The following CXADR variants were observed in gnomAD, a reference collection of about 807,000 sequenced individuals.
CXADR encodes coxsackievirus and adenovirus receptor.
A neutral mutation model predicts 40.3 loss-of-function variants in CXADR; 20 were observed. That is an observed-to-expected ratio of 0.50 (90% CI 0.35 to 0.72). CXADR has a LOEUF of 0.72. Among genes scored for constraint, CXADR ranks in the 30% least tolerant of loss-of-function variants. CXADR has a pLI of 0.01. For synonymous variants in CXADR, 150 were observed against 161.3 expected, an observed-to-expected ratio of 0.93 and a Z score of 0.53; for missense variants, 332 against 449.1, an observed-to-expected ratio of 0.74 and a Z score of 2.36.
Position 17,566,104 on chromosome 21 carries a change from T to C in CXADR, c.*412T>C, listed in dbSNP as rs1601033272. The C allele has an allele frequency of 1.0e-6, 1 of 984,254 alleles. No homozygotes were observed. The highest frequency in any genetic ancestry group is 1.1e-4 in the East Asian group (1 of 8,870). The allele number at this position is 984,254 out of a possible 1,614,324, so 61.0% of individuals were successfully genotyped here. A position where few individuals can be genotyped will look rare whatever the true frequency, so the allele number is the denominator to read the frequency against. ...CATTATTTTTAGGATGTGTATTTCATTTATTTATGGCCCACCAGTCTCCCC... is the reference window on the plus strand; with the variant it reads ...CATTATTTTTAGGATGTGTATTTCACTTATTTATGGCCCACCAGTCTCCCC... On this transcript the variant is annotated 3_prime_UTR_variant, in exon 7 of 7. Transcript: ENST00000284878.
chr21:17,556,231 A>G (rs576240889), intron 3 of CXADR, among the ~76,000 whole-genome samples: 6 of 152,310 alleles, frequency 3.9e-5, no homozygotes, highest in African/African-American at 1.4e-4. Flanking sequence ...GCAGAGTACC[A>G]TGGGTTAAGA....
chr21:17,612,469 G>C, the CXADR span: 1 of 151,486 alleles, frequency 6.6e-6, no homozygotes, highest in African/African-American at 2.5e-5. Flanking sequence ...TTCCTCAGGC[G>C]CCCGCCGAGG....
intron 1 of CXADR, among the ~76,000 whole-genome samples, chr21:17,540,449 G>T (rs571318955): frequency 6.6e-6 from 1 of 152,246 alleles, no homozygotes; most frequent in African/African-American, 2.4e-5. Flanking sequence ...GCTGAAGGTG[G>T]CAATATTTAG....
At chr21:17,514,973 A>ATT (rs59819426) in intron 1 of CXADR, among the ~76,000 whole-genome samples, 6 of 146,414 alleles carry the variant, frequency 4.1e-5, no homozygotes, top group African/African-American at 1.2e-4. Context: ...ATTGGATTTA[A>ATT]TTTTTTTTTT....
At chr21:17,573,584 C>T (rs988727909), downstream of CXADR, among the ~76,000 whole-genome samples, 3 of 152,154 alleles carry the variant, frequency 2.0e-5, no homozygotes, top group Non-Finnish European at 4.4e-5. Flanking sequence ...TTGTTAACTT[C>T]ACATCTGCTT....
At chr21:17,593,889 T>C (rs1569168077), downstream of CXADR, 8 of 646,456 alleles carry the variant, frequency 1.2e-5, no homozygotes, top group East Asian at 2.5e-4. Flanking sequence ...TGACTAACTT[T>C]AATAAAATTT....
intron 1 of CXADR, among the ~76,000 whole-genome samples, chr21:17,534,079 CACAT>C (rs1396644354): frequency 2.6e-5 from 2 of 77,394 alleles, no homozygotes; most frequent in African/African-American, 5.0e-5. Flanking sequence ...TACACACACA[CACAT>C]ATATATATAT....
At chr21:17,570,199 C>G (rs1240582637), downstream of CXADR, 6 of 983,940 alleles carry the variant, frequency 6.1e-6, no homozygotes, top group Non-Finnish European at 4.8e-6. Context: ...TGGTTTCCTT[C>G]CCCCCGTGTA....
intron 1 of CXADR, among the ~76,000 whole-genome samples, chr21:17,531,367 C>T (rs749182716): frequency 1.3e-5 from 2 of 151,794 alleles, no homozygotes; most frequent in Non-Finnish European, 2.9e-5. Context: ...TTATCATGGC[C>T]TTCTTTCATT....
At chr21:17,526,930 G>A (rs1298046671) in intron 1 of CXADR, among the ~76,000 whole-genome samples, 1 of 152,084 alleles carries the variant, frequency 6.6e-6, no homozygotes, top group Non-Finnish European at 1.5e-5. Flanking sequence ...TGAGCCAGGA[G>A]GCAAAGGAAG....
chr21:17,620,003 C>A, the CXADR span, among the ~76,000 whole-genome samples: 1 of 152,084 alleles, frequency 6.6e-6, no homozygotes, highest in African/African-American at 2.4e-5. Flanking sequence ...GTTTGATCTT[C>A]CATCCAGAGA....
chr21:17,554,966 G>A (rs778606746), intron 3 of CXADR, among the ~76,000 whole-genome samples: 21 of 152,284 alleles, frequency 1.4e-4, no homozygotes, highest in Admixed American at 3.3e-4. Flanking sequence ...ATTGATAGTC[G>A]TCTGGATGTG....
chr21:17,513,181 G>A lies in CXADR; in HGVS notation c.43+9G>A. ...CCTGTGCGGAGTAGTGGGTGAGTAG[G>A]GGCCATGGGGTCCTCAGCACCCGCC... On this transcript the variant is annotated intron_variant, in intron 1 of 6. Coordinates refer to ENST00000284878, the MANE Select transcript of CXADR (RefSeq NM_001338.5). 7.3e-7 allele frequency: 1 copy of A among 1,362,400 alleles called. No homozygotes were observed. Among genetic ancestry groups the A allele is most frequent in the Non-Finnish European group, 9.5e-7 (1 of 1,054,386 alleles). 84.4% of individuals were successfully genotyped at this position (1,362,400 alleles called of 1,614,324 possible). A position where few individuals can be genotyped will look rare whatever the true frequency, so the allele number is the denominator to read the frequency against.
intron 1 of CXADR, among the ~76,000 whole-genome samples, chr21:17,530,114 A>ATTTTTTTTTTTTTTTT (rs56341807): frequency 1.9e-3 from 177 of 94,936 alleles, no homozygotes; most frequent in East Asian, 4.1e-3. Context: ...ATGCCAGGCT[A>ATTTTTTTTTTTTTTTT]TTTTTTTTTT....
the CXADR span, among the ~76,000 whole-genome samples, chr21:17,629,919 G>GT: frequency 1.3e-5 from 2 of 152,312 alleles, no homozygotes; most frequent in Non-Finnish European, 2.9e-5. Flanking sequence ...AGGGAAAATA[G>GT]TTTCTGTTTA....
At position 17,568,181 on chromosome 21, in the gene CXADR, T is replaced by C. The variant is rs972358287; in HGVS notation, c.*2489T>C. 4.2e-6 allele frequency: 4 copies of C among 959,630 alleles called. No homozygotes were observed. Among genetic ancestry groups the C allele is most frequent in the East Asian group, 1.2e-4 (1 of 8,286 alleles). The allele number at this position is 959,630 out of a possible 1,614,324, so 59.4% of individuals were successfully genotyped here. A position where few individuals can be genotyped will look rare whatever the true frequency, so the allele number is the denominator to read the frequency against. On this transcript the variant is annotated 3_prime_UTR_variant, in exon 7 of 7. Transcript: ENST00000284878. ...TCTCGGTCTGTCACCCAGGCTGGAG[T>C]GCAGTGGCGGGATCTCGGCTCACTG...
chr21:17,600,722 G>A, the CXADR span, among the ~76,000 whole-genome samples: 5 of 152,058 alleles, frequency 3.3e-5, no homozygotes, highest in Non-Finnish European at 7.4e-5. Flanking sequence ...TGGAAATCTA[G>A]CAGTCTCAGA....
chr21:17,558,442 T>G (rs1216080465), intron 3 of CXADR, among the ~76,000 whole-genome samples: 2 of 152,202 alleles, frequency 1.3e-5, no homozygotes, highest in African/African-American at 2.4e-5. Flanking sequence ...TTTTGTAGCC[T>G]GCTCTTTGGA....
intron 1 of CXADR, among the ~76,000 whole-genome samples, chr21:17,531,330 T>C (rs1475190350): frequency 6.6e-6 from 1 of 151,980 alleles, no homozygotes; most frequent in Non-Finnish European, 1.5e-5. Context: ...AAAAGAAAGT[T>C]AAGAAAGTTC....
Sources: gnomAD v4.1 joint callset for allele counts (sites outside exome capture counted in the v4.1 genomes callset) on GRCh38, gnomAD v4.1.1 for gene constraint, MANE v1.5 for transcripts, NCBI Gene and HGNC (gene_info 2026-07-23, HGNC 2026-07-21) for gene names.